The following ITGAV variants were observed in gnomAD, a reference collection of about 807,000 sequenced individuals.
The protein encoded by ITGAV is integrin alpha-V.
ITGAV carries 76 observed loss-of-function variants against 143.8 expected under a neutral mutation model. That is an observed-to-expected ratio of 0.53 (90% CI 0.44 to 0.64). The LOEUF (loss-of-function observed/expected upper bound fraction) is 0.64. Among genes scored for constraint, ITGAV ranks in the 30% least tolerant of loss-of-function variants. The pLI is 0.00. For missense variants in ITGAV, 1,193 were observed against 1,274.7 expected (o/e 0.94, Z 0.98); for synonymous variants, 453 against 446.7 (o/e 1.01, Z -0.18).
intron 12 of ITGAV, among the ~76,000 whole-genome samples, chr2:186,642,984 A>G (rs1688151403): frequency 6.6e-6 from 1 of 152,246 alleles, no homozygotes; most frequent in Non-Finnish European, 1.5e-5. Context: ...AGAACACTAT[A>G]TAACAGACCA....
At chr2:186,648,172 TTATC>T (rs938350558) in intron 13 of ITGAV, among the ~76,000 whole-genome samples, 4 of 152,220 alleles carry the variant, frequency 2.6e-5, no homozygotes, top group African/African-American at 9.6e-5. Context: ...TGTGGCATTT[TTATC>T]TTTCTTTATA....
At chr2:186,656,986 A>T (rs1213432213) in intron 17 of ITGAV, among the ~76,000 whole-genome samples, 2 of 52,242 alleles carry the variant, frequency 3.8e-5, no homozygotes. Flanking sequence ...TGAATTCATT[A>T]AACACACACA....
chr2:186,640,205 C>T (rs1476263221), intron 10 of ITGAV, among the ~76,000 whole-genome samples: 1 of 152,150 alleles, frequency 6.6e-6, no homozygotes, highest in Non-Finnish European at 1.5e-5. Context: ...CATTTATTTA[C>T]AGCTAAGCTG....
chr2:186,673,246 C>T (rs1246913473), intron 26 of ITGAV, among the ~76,000 whole-genome samples: 3 of 152,164 alleles, frequency 2.0e-5, no homozygotes, highest in African/African-American at 7.2e-5. Context: ...GGATTTATTT[C>T]TAGACATTCA....
intron 6 of ITGAV, among the ~76,000 whole-genome samples, chr2:186,635,157 G>A (rs1024361451): frequency 3.3e-5 from 5 of 152,100 alleles, no homozygotes; most frequent in Admixed American, 2.0e-4. Context: ...CAGACTCAGT[G>A]AATTGGCAAA....
chr2:186,602,626 C>T (rs1686943084), intron 2 of ITGAV, among the ~76,000 whole-genome samples: 1 of 152,182 alleles, frequency 6.6e-6, no homozygotes, highest in Non-Finnish European at 1.5e-5. Flanking sequence ...CGCCTGTAAT[C>T]CCAGCACTTT....
At chr2:186,638,611 A>G (rs940327288) in intron 10 of ITGAV, 146 bp downstream of exon 10, 57 of 637,882 alleles carry the variant, frequency 8.9e-5, no homozygotes, top group Admixed American at 3.4e-4. Flanking sequence ...TGGTCAAACT[A>G]TTATCATTTC....
intron 18 of ITGAV, among the ~76,000 whole-genome samples, chr2:186,661,606 T>G (rs1017901160): frequency 1.1e-4 from 16 of 151,062 alleles, no homozygotes; most frequent in South Asian, 8.4e-4. Context: ...TTGTTTTTTT[T>G]TTTTTTTTTG....
At chr2:186,592,479 A>T (rs1477703012) in intron 1 of ITGAV, among the ~76,000 whole-genome samples, 2 of 152,150 alleles carry the variant, frequency 1.3e-5, no homozygotes, top group Non-Finnish European at 2.9e-5. Context: ...ACAACAAAAT[A>T]AAGTTGATGG....
chr2:186,631,017 T>C (rs1391789516), intron 5 of ITGAV, among the ~76,000 whole-genome samples, 159 bp downstream of exon 5: 1 of 152,176 alleles, frequency 6.6e-6, no homozygotes, highest in East Asian at 1.9e-4. Context: ...TTCTTTGTCT[T>C]ATATTATTCC....
chr2:186,677,142 C>T (rs1689236194), intron 29 of ITGAV, 55 bp from the exon 30 acceptor site: 3 of 1,503,016 alleles, frequency 2.0e-6, no homozygotes, highest in Non-Finnish European at 2.8e-6. Flanking sequence ...CCAAAAAATA[C>T]TTTTCGTATT....
chr2:186,666,833 G>A lies in ITGAV; in HGVS notation c.2246+50G>A, dbSNP rs1330933004. 3 of 988,622 alleles carry A rather than the reference G, an allele frequency of 3.0e-6. No homozygotes were observed. In the African/African-American group the frequency reaches 5.0e-5, roughly 16 times the overall value. The allele number at this position is 988,622 out of a possible 1,614,324, so 61.2% of individuals were successfully genotyped here. On this transcript the variant is annotated intron_variant, in intron 22 of 29. Transcript: ENST00000261023. Reference sequence around the variant, plus strand: ...TATAACTATCAAATAAATATTATTTGTTGTAAATATACTATGTAATATACT... The same window carrying A: ...TATAACTATCAAATAAATATTATTTATTGTAAATATACTATGTAATATACT...
chr2:186,656,649 G>T (rs1277105194), intron 17 of ITGAV, among the ~76,000 whole-genome samples: 1 of 151,852 alleles, frequency 6.6e-6, no homozygotes, highest in Admixed American at 6.6e-5. Flanking sequence ...TTTCTTAAAT[G>T]CAACTGAACT....
chr2:186,621,871 G>A (rs1437144653), intron 2 of ITGAV, among the ~76,000 whole-genome samples: 1 of 152,082 alleles, frequency 6.6e-6, no homozygotes, highest in Non-Finnish European at 1.5e-5. Flanking sequence ...ACCAAATCAA[G>A]TTTCCTGGAT....
At chr2:186,644,821 A>T (rs950968467) in intron 12 of ITGAV, among the ~76,000 whole-genome samples, 2 of 72,604 alleles carry the variant, frequency 2.8e-5, no homozygotes, top group East Asian at 2.3e-4. Flanking sequence ...ATATATGTTT[A>T]AAAAAAAAAA....
At chr2:186,626,892 A>T (rs2105692139) in intron 4 of ITGAV, among the ~76,000 whole-genome samples, 1 of 152,290 alleles carries the variant, frequency 6.6e-6, no homozygotes, top group South Asian at 2.1e-4. Context: ...CTTCGGTGGT[A>T]TGTAGAGAAT....
At chr2:186,648,338 G>T (rs1424444633) in intron 13 of ITGAV, among the ~76,000 whole-genome samples, 1 of 152,114 alleles carries the variant, frequency 6.6e-6, no homozygotes, top group Non-Finnish European at 1.5e-5. Flanking sequence ...ACTTTTTAAA[G>T]CACTCACCAG....
At position 186,612,570 on chromosome 2, in the gene ITGAV, T is replaced by C. The variant is rs550810786; in HGVS notation, c.317-9769T>C. Among the ~76,000 whole-genome samples the C allele has an allele frequency of 2.0e-5, 3 of 152,322 alleles. No homozygotes were observed. In the South Asian group the frequency reaches 6.2e-4, roughly 32 times the overall value. On this transcript the variant is annotated intron_variant, in intron 2 of 29. Transcript: ENST00000261023. The stretch of plus-strand genomic sequence containing the variant: ...GTAGGTTGAGAGCAAACCTTGGCTA[T>C]GCCAGTTCTGTGGTCAAGAAAAATG...
intron 28 of ITGAV, 91 bp from the exon 29 acceptor site, chr2:186,676,721 AT>A: frequency 7.6e-7 from 1 of 1,323,598 alleles, no homozygotes; most frequent in Non-Finnish European, 1.0e-6. Flanking sequence ...TATACTGTGA[AT>A]TCCATTAAAA....
Sources: gnomAD v4.1 joint callset for allele counts (sites outside exome capture counted in the v4.1 genomes callset) on GRCh38, gnomAD v4.1.1 for gene constraint, MANE v1.5 for transcripts, NCBI Gene and HGNC (gene_info 2026-07-23, HGNC 2026-07-21) for gene names.